Variants in PRMT7 observed in about 807,000 individuals in gnomAD.
The protein encoded by PRMT7 is protein arginine N-methyltransferase 7.
PRMT7 carries 75 observed loss-of-function variants against 85.4 expected under a neutral mutation model. The observed-to-expected ratio is 0.88, with a 90% CI of 0.73 to 1.06. The LOEUF is 1.06. Ranked by LOEUF, PRMT7 falls within the 50% of genes least tolerant of loss-of-function variation. The pLI, the probability that PRMT7 is intolerant of heterozygous loss-of-function variation, is 0.00. For synonymous variants in PRMT7, 397 were observed against 359.5 expected (o/e 1.10, Z -1.18); for missense variants, 868 against 915.2 (o/e 0.95, Z 0.67).
chr16:68,319,876 C>T (rs143353309), intron 3 of PRMT7, among the ~76,000 whole-genome samples: 148 of 152,312 alleles, frequency 9.7e-4, no homozygotes, highest in Non-Finnish European at 9.3e-4. Flanking sequence ...CTGCCTAGTT[C>T]TGGGTGCTCA....
chr16:68,324,648 T>G, intron 4 of PRMT7, 35 bp from the exon 5 acceptor site: 1 of 1,611,640 alleles, frequency 6.2e-7, no homozygotes, highest in Non-Finnish European at 8.5e-7. Flanking sequence ...TTACTTATAA[T>G]AACTGGTAGT....
intron 10 of PRMT7, 142 bp downstream of exon 10, chr16:68,345,944 G>T: frequency 7.2e-7 from 1 of 1,379,520 alleles, no homozygotes; most frequent in Non-Finnish European, 9.9e-7. Context: ...TGACCAGTGT[G>T]TCAGTGCCCA....
At position 68,348,659 on chromosome 16, in the gene PRMT7, T is replaced by G. The variant is rs796691256; in HGVS notation, c.1413+228T>G. On this transcript the variant is annotated intron_variant, in intron 14 of 18. Coordinates refer to ENST00000441236, the MANE Select transcript of PRMT7 (RefSeq NM_019023.5). ...TTTTTTTTTTTTTTTTTTTTTTTTTTGAAAATGGGGTCTCGCGCTGTCGTC... is the reference window on the plus strand; with the variant it reads ...TTTTTTTTTTTTTTTTTTTTTTTTTGGAAAATGGGGTCTCGCGCTGTCGTC... Among the ~76,000 whole-genome samples the G allele has an allele frequency of 1.0e-3, 111 of 109,826 alleles. 1 individual carries two copies. The highest frequency in any genetic ancestry group is 5.4e-3 in the African/African-American group (111 of 20,380). 72.1% of individuals were successfully genotyped at this position (109,826 alleles called of 152,430 possible). A position where few individuals can be genotyped will look rare whatever the true frequency, so the allele number is the denominator to read the frequency against.
intron 6 of PRMT7, among the ~76,000 whole-genome samples, chr16:68,334,133 T>C (rs528785303): frequency 1.1e-4 from 17 of 152,346 alleles, no homozygotes; most frequent in African/African-American, 3.6e-4. Context: ...TATGTAGTTA[T>C]GTATTTAATG....
At chr16:68,330,452 C>T (rs2151582851) in intron 6 of PRMT7, among the ~76,000 whole-genome samples, 1 of 152,174 alleles carries the variant, frequency 6.6e-6, no homozygotes, top group African/African-American at 2.4e-5. Flanking sequence ...TGCACTACTG[C>T]ACCTGGCTTT....
chr16:68,357,329 G>A lies in PRMT7; in HGVS notation c.*105G>A, dbSNP rs1271721881. On this transcript the variant is annotated 3_prime_UTR_variant, in exon 19 of 19. Transcript: ENST00000441236. Reference sequence around the variant, plus strand: ...CTCCTCTCCTCTCTGGGAGCTGCTCGGCCTCAGGGATGGGAAAGACTGCGC... The same window carrying A: ...CTCCTCTCCTCTCTGGGAGCTGCTCAGCCTCAGGGATGGGAAAGACTGCGC... 5 of 1,268,362 alleles carry A rather than the reference G, an allele frequency of 3.9e-6. No individual in the cohort carries two copies. Among genetic ancestry groups the A allele is most frequent in the South Asian group, 3.0e-5 (2 of 67,784 alleles). The allele number at this position is 1,268,362 out of a possible 1,614,324, so 78.6% of individuals were successfully genotyped here.
Position 68,312,047 on chromosome 16 carries a change from C to G in PRMT7, c.-213C>G, listed in dbSNP as rs2043833041. On this transcript the variant is annotated 5_prime_UTR_variant, in exon 2 of 19. Transcript: ENST00000441236. Reference sequence around the variant, plus strand: ...ATTTTATTTTTTCGAGACAGAGTCTCACTCTGCTGCCTAGGCTGAGTGCAG... The same window carrying G: ...ATTTTATTTTTTCGAGACAGAGTCTGACTCTGCTGCCTAGGCTGAGTGCAG... 6.6e-6 allele frequency: 1 copy of G among 151,860 alleles called. No individual in the cohort carries two copies. Among genetic ancestry groups the G allele is most frequent in the Admixed American group, 6.6e-5 (1 of 15,262 alleles). The allele number at this position is 151,860 out of a possible 1,614,324, so 9.4% of individuals were successfully genotyped here.
intron 6 of PRMT7, 71 bp from the exon 7 acceptor site, chr16:68,337,388 T>A (rs1401413205): frequency 9.4e-7 from 1 of 1,068,760 alleles, no homozygotes; most frequent in Non-Finnish European, 1.4e-6. Context: ...CACTTATCTT[T>A]CCCATATTTG....
intron 4 of PRMT7, among the ~76,000 whole-genome samples, chr16:68,323,172 C>G (rs1169883346): frequency 6.6e-6 from 1 of 151,870 alleles, no homozygotes; most frequent in Admixed American, 6.6e-5. Context: ...CATTTTTGTG[C>G]TTTACCTCAG....
intron 4 of PRMT7, among the ~76,000 whole-genome samples, chr16:68,323,104 TAC>T (rs1280476806): frequency 6.6e-6 from 1 of 152,200 alleles, no homozygotes; most frequent in Admixed American, 6.6e-5. Flanking sequence ...TAAATGCACT[TAC>T]TTTGACAATG....
At chr16:68,353,199 A>G (rs2087670789) in intron 15 of PRMT7, among the ~76,000 whole-genome samples, 1 of 152,084 alleles carries the variant, frequency 6.6e-6, no homozygotes, top group Non-Finnish European at 1.5e-5. Flanking sequence ...TTTCTTCCCA[A>G]AGAAATGATG....
In PRMT7 at chr16:68,355,767, G is replaced by A. The variant is rs1047162887; in HGVS notation, c.1695G>A (p.Pro565=). The A allele has an allele frequency of 8.1e-6, 13 of 1,610,334 alleles. No individual in the cohort carries two copies. In the African/African-American group the frequency reaches 9.4e-5, roughly 12 times the overall value. Residue 565 remains proline, a synonymous_variant, in exon 17 of 19, where the codon CCG becomes CCA. Coordinates refer to ENST00000441236, the MANE Select transcript of PRMT7 (RefSeq NM_019023.5). ...AGAGCAGGGAAGCTGAGCCCCACCC[G>A]CTGTGGGAGTACCCATGCCGCAGCC... The part of the protein sequence containing the change: ...FRESREAEPH[P]LWEYPCRSLS...
chr16:68,349,140 C>G (rs2086878723), intron 14 of PRMT7, among the ~76,000 whole-genome samples: 1 of 152,154 alleles, frequency 6.6e-6, no homozygotes, highest in South Asian at 2.1e-4. Flanking sequence ...CCCACGGTCT[C>G]CCTGCAGGCT....
chr16:68,348,507 C>T, intron 14 of PRMT7, 76 bp downstream of exon 14: 1 of 1,206,434 alleles, frequency 8.3e-7, no homozygotes. Context: ...GCCCAGGCCC[C>T]ACCCTGTCCC....
intron 3 of PRMT7, among the ~76,000 whole-genome samples, chr16:68,318,311 C>T (rs921682890): frequency 3.3e-5 from 5 of 151,336 alleles, no homozygotes; most frequent in African/African-American, 4.9e-5. Context: ...GCCATTCTCC[C>T]GCCTCAGCCT....
At chr16:68,311,144 C>G (rs757575481) in intron 1 of PRMT7, 45 bp downstream of exon 1, 108 of 655,504 alleles carry the variant, frequency 1.6e-4, no homozygotes, top group Middle Eastern at 3.9e-4. Flanking sequence ...CTTTGGGGTT[C>G]TGTGTGCAGC....
Position 68,357,561 on chromosome 16 carries a change from C to G in PRMT7, c.*337C>G, listed in dbSNP as rs890074531. On this transcript the variant is annotated 3_prime_UTR_variant, in exon 19 of 19. Transcript: ENST00000441236. ...AAGCACAGGGAGCTTGTGGGGCTGG[C>G]CGGTGGGGTTGTCCACGCCGCCCTT... 4.1e-6 allele frequency: 1 copy of G among 243,316 alleles called. No homozygotes were observed. The highest frequency in any genetic ancestry group is 7.9e-6 in the Non-Finnish European group (1 of 127,148). The allele number at this position is 243,316 out of a possible 1,614,324, so 15.1% of individuals were successfully genotyped here.
rs1448227662 is a variant in PRMT7, at chr16:68,316,092, A to G, written c.95+18A>G. On this transcript the variant is annotated intron_variant, in intron 3 of 18. Coordinates refer to ENST00000441236, the MANE Select transcript of PRMT7 (RefSeq NM_019023.5). ...ATTGCAAGGTACTGGGTTGGTTTAC[A>G]GCAGGCTGCAGCTGGGTGGGGCACT... 1 of 1,605,988 alleles carries G rather than the reference A, an allele frequency of 6.2e-7. No individual in the cohort carries two copies. Among genetic ancestry groups the G allele is most frequent in the Non-Finnish European group, 8.5e-7 (1 of 1,173,624 alleles).
rs2088832884 is a variant in PRMT7, at chr16:68,357,616, C to T, written c.*392C>T. 5.5e-6 allele frequency: 1 copy of T among 183,392 alleles called. No individual in the cohort carries two copies. Among genetic ancestry groups the T allele is most frequent in the East Asian group, 1.6e-4 (1 of 6,366 alleles). The allele number at this position is 183,392 out of a possible 1,614,324, so 11.4% of individuals were successfully genotyped here. A position where few individuals can be genotyped will look rare whatever the true frequency, so the allele number is the denominator to read the frequency against. ...AGCAGTCCCCGTGGCGGGAGCCTGT[C>T]CTGTCTGTCTCACTCTCGAGGATCT... On this transcript the variant is annotated 3_prime_UTR_variant, in exon 19 of 19. Coordinates refer to ENST00000441236, the MANE Select transcript of PRMT7 (RefSeq NM_019023.5).
Sources: gnomAD v4.1 joint callset for allele counts (sites outside exome capture counted in the v4.1 genomes callset) on GRCh38, gnomAD v4.1.1 for gene constraint, MANE v1.5 for transcripts, NCBI Gene and HGNC (gene_info 2026-07-23, HGNC 2026-07-21) for gene names.